CAPS2: variants seen among roughly 807,000 people sequenced by gnomAD.
The protein encoded by CAPS2 is calcyphosin-2.
In CAPS2, 98 loss-of-function variants were observed where a neutral mutation model predicts 86.5. The observed-to-expected ratio is 1.13, with a 90% CI of 0.96 to 1.34. CAPS2 has a LOEUF of 1.34. Ranked by LOEUF, CAPS2 falls within the 40% of genes most tolerant of loss-of-function variation. The probability of loss-of-function intolerance (pLI) is 0.00; values close to 1 mark genes in which losing one functional copy is unlikely to be tolerated. For synonymous variants in CAPS2, 210 were observed against 225.1 expected, an observed-to-expected ratio of 0.93 and a Z score of 0.60; for missense variants, 729 against 686.8, an observed-to-expected ratio of 1.06 and a Z score of -0.69.
intron 1 of CAPS2, among the ~76,000 whole-genome samples, chr12:75,368,474 G>A (rs180894432): frequency 6.7e-4 from 100 of 149,080 alleles, no homozygotes; most frequent in African/African-American, 1.6e-3. Context: ...GTAAAATTTC[G>A]AAAGGTACCA....
At chr12:75,364,715 G>A (rs1050827502) in intron 1 of CAPS2, 1 of 152,284 alleles carries the variant, frequency 6.6e-6, no homozygotes, top group East Asian at 1.9e-4. Context: ...CAGAACATAA[G>A]CATTATTAAA....
At chr12:75,308,926 G>T (rs1051278591) in intron 7 of CAPS2, among the ~76,000 whole-genome samples, 11 of 119,514 alleles carry the variant, frequency 9.2e-5, no homozygotes, top group African/African-American at 3.4e-4. Flanking sequence ...AAAAAAAAGG[G>T]GGTAAGGAGC....
chr12:75,328,309 A>G (rs1383899269), upstream of CAPS2, among the ~76,000 whole-genome samples: 2 of 152,188 alleles, frequency 1.3e-5, no homozygotes, highest in African/African-American at 4.8e-5. Context: ...CAGTCTCTCA[A>G]TTATTTATAT....
At chr12:75,378,538 G>A (rs925037592) in intron 1 of CAPS2, among the ~76,000 whole-genome samples, 1 of 152,160 alleles carries the variant, frequency 6.6e-6, no homozygotes, top group Non-Finnish European at 1.5e-5. Context: ...TCAGGATGGA[G>A]ATTTAAGTGA....
intron 12 of CAPS2, among the ~76,000 whole-genome samples, chr12:75,292,918 TTATAG>T (rs2036246738): frequency 6.6e-6 from 1 of 151,436 alleles, no homozygotes; most frequent in Admixed American, 6.6e-5. Flanking sequence ...GAAAAAATTG[TTATAG>T]TATTGTATTG....
At chr12:75,367,423 A>C (rs898489229) in intron 1 of CAPS2, among the ~76,000 whole-genome samples, 1 of 152,086 alleles carries the variant, frequency 6.6e-6, no homozygotes, top group Non-Finnish European at 1.5e-5. Context: ...TTACTGTTTA[A>C]ACTTTTTGTT....
At chr12:75,293,099 C>T (rs1593283876) in intron 12 of CAPS2, 150 bp downstream of exon 12, 6 of 586,310 alleles carry the variant, frequency 1.0e-5, no homozygotes, top group Non-Finnish European at 1.2e-5. Flanking sequence ...CAAGATAGTA[C>T]ATAAAAAAGA....
intron 1 of CAPS2, chr12:75,343,980 A>G (rs2042287615): frequency 6.7e-7 from 1 of 1,486,682 alleles, no homozygotes; most frequent in African/African-American, 1.4e-5. Flanking sequence ...TTATTTGTGC[A>G]TATTTTAATT....
rs150750353 is a variant in CAPS2 at position 75,296,867 on chromosome 12, C to T, written c.1044+1820G>A. On this transcript the variant is annotated intron_variant, in intron 11 of 16. Transcript: ENST00000393284. Reference sequence around the variant, plus strand: ...AGAGTTAGAAAAATGGAGAAGAGTGCTTTTACTATGGGAAATATTCAAGGG... The same window carrying T: ...AGAGTTAGAAAAATGGAGAAGAGTGTTTTTACTATGGGAAATATTCAAGGG... 2.1e-3 allele frequency among the ~76,000 whole-genome samples: 322 copies of T among 152,224 alleles called. 2 individuals carry two copies. Among genetic ancestry groups the T allele is most frequent in the African/African-American group, 7.6e-3 (314 of 41,524 alleles).
At chr12:75,327,149 T>G (rs1307438396), upstream of CAPS2, among the ~76,000 whole-genome samples, 3 of 152,234 alleles carry the variant, frequency 2.0e-5, no homozygotes, top group Admixed American at 1.3e-4. Flanking sequence ...CCACTAAGTT[T>G]AAATAAATTT....
At chr12:75,276,899 T>C (rs994605790), downstream of CAPS2, 47 of 984,072 alleles carry the variant, frequency 4.8e-5, no homozygotes, top group Non-Finnish European at 5.5e-5. Flanking sequence ...CTATTAAGCA[T>C]AGGATTTCAA....
At chr12:75,386,848 C>T (rs767887812) in intron 1 of CAPS2, among the ~76,000 whole-genome samples, 10 of 148,500 alleles carry the variant, frequency 6.7e-5, no homozygotes, top group South Asian at 2.2e-4. Flanking sequence ...AACAACTGAA[C>T]GTCCATATAC....
chr12:75,334,398 C>T (rs977597830), upstream of CAPS2: 12 of 931,888 alleles, frequency 1.3e-5, no homozygotes, highest in African/African-American at 1.7e-5. Flanking sequence ...ACTTGTGTGG[C>T]TTGCATATTG....
chr12:75,306,558 T>G (rs2038528172), intron 7 of CAPS2, among the ~76,000 whole-genome samples: 1 of 152,240 alleles, frequency 6.6e-6, no homozygotes, highest in African/African-American at 2.4e-5. Flanking sequence ...CATGTTTGTT[T>G]ATAAGTAAGT....
chr12:75,324,842 A>C (rs2040618018), intron 2 of CAPS2, among the ~76,000 whole-genome samples: 2 of 152,098 alleles, frequency 1.3e-5, no homozygotes, highest in Admixed American at 1.3e-4. Flanking sequence ...AAGATTCATA[A>C]AATTGTCATA....
At chr12:75,366,014 T>C (rs1221402912) in intron 1 of CAPS2, among the ~76,000 whole-genome samples, 2 of 152,140 alleles carry the variant, frequency 1.3e-5, no homozygotes. Flanking sequence ...ACTTGATCAA[T>C]AAACAAAGAA....
At chr12:75,371,223 C>T (rs2044338545) in intron 1 of CAPS2, 1 of 153,262 alleles carries the variant, frequency 6.5e-6, no homozygotes, top group African/African-American at 2.4e-5. Flanking sequence ...ACCTGGTAAA[C>T]CACTGATGTA....
downstream of CAPS2, chr12:75,276,892 T>G (rs1464190302): frequency 1.0e-6 from 1 of 983,484 alleles, no homozygotes; most frequent in Non-Finnish European, 1.2e-6. Context: ...ACAAAGACTA[T>G]TAAGCATAGG....
rs2037509270 is a variant in CAPS2 at position 75,299,831 on chromosome 12, A to T, written c.854+6T>A. 7.0e-7 allele frequency: 1 copy of T among 1,430,406 alleles called. No homozygotes were observed. Among genetic ancestry groups the T allele is most frequent in the Non-Finnish European group, 9.6e-7 (1 of 1,044,128 alleles). 88.6% of individuals were successfully genotyped at this position (1,430,406 alleles called of 1,614,324 possible). A position where few individuals can be genotyped will look rare whatever the true frequency, so the allele number is the denominator to read the frequency against. On this transcript the variant is annotated splice_donor_region_variant and intron_variant, in intron 9 of 16. Coordinates refer to ENST00000393284, the Ensembl canonical transcript of CAPS2. ...GGATTAAAAATTTTAATAAAATCAC[A>T]ATTACCGTGATACGATCCTACCATC...
Sources: allele counts gnomAD v4.1 joint callset (sites outside exome capture counted in the v4.1 genomes callset), GRCh38; gene constraint gnomAD v4.1.1; transcripts MANE v1.5; gene names NCBI Gene and HGNC (gene_info 2026-07-23, HGNC 2026-07-21).